Variants in OPHN1 observed in about 807,000 individuals in gnomAD.
OPHN1 encodes oligophrenin 1.
In OPHN1, 11 loss-of-function variants were observed where a neutral mutation model predicts 60.7. The observed-to-expected ratio is 0.18, with a 90% CI of 0.11 to 0.30. The LOEUF (loss-of-function observed/expected upper bound fraction) is 0.30, where lower values mean the gene tolerates loss of function less well. Among genes scored for constraint, OPHN1 ranks in the 10% least tolerant of loss-of-function variants. OPHN1 has a pLI of 1.00. For missense variants in OPHN1, 449 were observed against 611.0 expected (o/e 0.73, Z 2.80); for synonymous variants, 226 against 222.6 (o/e 1.02, Z -0.14).
At chrX:68,364,762 C>T (rs916727187) in intron 2 of OPHN1, among the ~76,000 whole-genome samples, 3 of 112,172 alleles carry the variant, frequency 2.7e-5, no homozygotes, top group Non-Finnish European at 5.6e-5. Context: ...ATTTTAAGTG[C>T]TCAGTAGCTA....
chrX:68,227,083 CAAAA>C (rs1249913941), intron 6 of OPHN1, among the ~76,000 whole-genome samples: 1 of 110,228 alleles, frequency 9.1e-6, no homozygotes, highest in African/African-American at 3.3e-5. Context: ...AAATGGAAAA[CAAAA>C]AAAGGCATGG....
At chrX:68,371,850 T>A (rs2078530866) in intron 2 of OPHN1, among the ~76,000 whole-genome samples, 1 of 112,389 alleles carries the variant, frequency 8.9e-6, no homozygotes, top group South Asian at 3.7e-4. Context: ...ATTCAAAGAA[T>A]TCTTCTGCCT....
upstream of OPHN1, chrX:68,433,669 C>G (rs921076696): frequency 3.4e-6 from 1 of 296,308 alleles, no homozygotes; most frequent in African/African-American, 2.7e-5. Context: ...GCTGCTAAGA[C>G]TTCTTCCTGG....
intron 2 of OPHN1, among the ~76,000 whole-genome samples, chrX:68,422,587 G>A (rs2078831787): frequency 1.4e-5 from 1 of 72,996 alleles, no homozygotes. Context: ...AGGGAGGGAA[G>A]AAAGAAAGAA....
intron 9 of OPHN1, 26 bp downstream of exon 9, chrX:68,210,127 A>G (rs2077578171): frequency 5.0e-6 from 6 of 1,206,130 alleles, no homozygotes; most frequent in South Asian, 1.8e-5. Flanking sequence ...TTGAAACCCA[A>G]TGGATACCCC....
At chrX:68,195,592 G>C (rs1371202169) in intron 12 of OPHN1, among the ~76,000 whole-genome samples, 1 of 111,997 alleles carries the variant, frequency 8.9e-6, no homozygotes, top group Non-Finnish European at 1.9e-5. Flanking sequence ...CAAAGGCATG[G>C]ATGAGATTTG....
chrX:68,296,375 G>T (rs774537381), intron 3 of OPHN1, among the ~76,000 whole-genome samples: 1 of 111,679 alleles, frequency 9.0e-6, no homozygotes, highest in Admixed American at 9.6e-5. Flanking sequence ...GAAGCAAAAA[G>T]GCCGGGCACT....
chrX:68,401,388 G>A (rs2078713731), intron 2 of OPHN1, among the ~76,000 whole-genome samples: 1 of 111,810 alleles, frequency 8.9e-6, no homozygotes, highest in South Asian at 3.7e-4. Context: ...TAGACTACCA[G>A]GATTACAAAG....
At chrX:68,373,856 A>G (rs1328149497) in intron 2 of OPHN1, among the ~76,000 whole-genome samples, 1 of 111,574 alleles carries the variant, frequency 9.0e-6, no homozygotes, top group East Asian at 2.8e-4. Flanking sequence ...AGTGATTTCT[A>G]AGTTGTCACA....
chrX:68,089,050 AG>A (rs2077006313), intron 19 of OPHN1, among the ~76,000 whole-genome samples: 1 of 111,438 alleles, frequency 9.0e-6, no homozygotes, highest in Non-Finnish European at 1.9e-5. Context: ...GCAAAGAAAA[AG>A]TCCACCCGAT....
intron 15 of OPHN1, among the ~76,000 whole-genome samples, chrX:68,142,787 T>G (rs761712672): frequency 8.9e-6 from 1 of 112,013 alleles, no homozygotes; most frequent in South Asian, 3.7e-4. Context: ...TTTATTTTAT[T>G]TAAATTATAA....
intron 2 of OPHN1, among the ~76,000 whole-genome samples, chrX:68,389,800 G>A (rs911228708): frequency 2.7e-5 from 3 of 110,210 alleles, no homozygotes; most frequent in African/African-American, 6.6e-5. Context: ...GACTTTGGGC[G>A]AGGGGGATAA....
At chrX:68,335,870 C>T (rs1206748858) in intron 2 of OPHN1, among the ~76,000 whole-genome samples, 1 of 111,314 alleles carries the variant, frequency 9.0e-6, no homozygotes, top group Non-Finnish European at 1.9e-5. Flanking sequence ...GTGGAGGCTG[C>T]AATGAGCAGA....
At chrX:68,060,209 T>C (rs1370812503) in intron 21 of OPHN1, among the ~76,000 whole-genome samples, 1 of 111,292 alleles carries the variant, frequency 9.0e-6, no homozygotes, top group African/African-American at 3.3e-5. Context: ...TGTATAATTT[T>C]GTACCCCCCC....
At chrX:68,188,339 T>C (rs935026580) in intron 15 of OPHN1, among the ~76,000 whole-genome samples, 13 of 112,013 alleles carry the variant, frequency 1.2e-4, no homozygotes, top group African/African-American at 4.2e-4. Context: ...CAAATGCAAA[T>C]AGGAAATAAT....
At chrX:68,370,188 T>C (rs1422214985) in intron 2 of OPHN1, among the ~76,000 whole-genome samples, 1 of 107,229 alleles carries the variant, frequency 9.3e-6, no homozygotes, top group African/African-American at 3.4e-5. Context: ...GGGAATCTTT[T>C]GAGTGGAAAT....
intron 15 of OPHN1, among the ~76,000 whole-genome samples, chrX:68,174,469 CTTTT>C (rs767690922): frequency 2.6e-5 from 2 of 76,342 alleles, no homozygotes; most frequent in Non-Finnish European, 4.6e-5. Context: ...TTAACTTATT[CTTTT>C]TTTTTTTTTT....
chrX:68,233,223 C>T (rs1030785238), intron 6 of OPHN1, among the ~76,000 whole-genome samples: 1 of 111,696 alleles, frequency 9.0e-6, no homozygotes, highest in African/African-American at 3.3e-5. Context: ...CCACTGCACT[C>T]GGCCACACTG....
At chrX:68,114,133 A>T (rs1225970941) in intron 16 of OPHN1, among the ~76,000 whole-genome samples, 5 of 111,039 alleles carry the variant, frequency 4.5e-5, no homozygotes, top group Non-Finnish European at 9.4e-5. Context: ...ATGCAGTGGG[A>T]CAAGTACGAT....
Sources: allele counts gnomAD v4.1 joint callset (sites outside exome capture counted in the v4.1 genomes callset), GRCh38; gene constraint gnomAD v4.1.1; transcripts MANE v1.5; gene names NCBI Gene and HGNC (gene_info 2026-07-23, HGNC 2026-07-21).